Variants in HECW1 observed in about 807,000 individuals in gnomAD.
HECW1 encodes the protein HECT, C2 and WW domain containing E3 ubiquitin protein ligase 1, also known as E3 ubiquitin-protein ligase HECW1.
In HECW1, 61 loss-of-function variants were observed where a neutral mutation model predicts 182.3. That is an observed-to-expected ratio of 0.33 (90% confidence interval 0.27 to 0.41). HECW1 has a LOEUF of 0.41. HECW1 is among the 10% of genes least tolerant of loss of function. HECW1 has a pLI of 1.00. For missense variants in HECW1, 1,739 were observed against 2,108.9 expected, an observed-to-expected ratio of 0.82 and a Z score of 3.44; for synonymous variants, 859 against 832.6, an observed-to-expected ratio of 1.03 and a Z score of -0.55.
intron 15 of HECW1, 81 bp downstream of exon 15, chr7:43,466,649 T>C (rs2077792718): frequency 6.2e-6 from 9 of 1,450,828 alleles, no homozygotes; most frequent in Non-Finnish European, 8.4e-6. Context: ...CTGATAGATC[T>C]AAAAGGGTAG....
intron 10 of HECW1, among the ~76,000 whole-genome samples, chr7:43,443,522 C>G (rs1382118316): frequency 6.6e-6 from 1 of 152,212 alleles, no homozygotes; most frequent in Non-Finnish European, 1.5e-5. Flanking sequence ...GTGACTTGCA[C>G]TAATGCATTT....
intron 16 of HECW1, among the ~76,000 whole-genome samples, chr7:43,474,436 G>A (rs549514586): frequency 6.0e-4 from 91 of 152,186 alleles, no homozygotes; most frequent in Non-Finnish European, 4.9e-4. Flanking sequence ...GCGACAGAGC[G>A]AGACTCTGTC....
chr7:43,390,388 T>C (rs542736866), intron 6 of HECW1, among the ~76,000 whole-genome samples: 2 of 151,910 alleles, frequency 1.3e-5, no homozygotes, highest in South Asian at 4.2e-4. Context: ...AAAAATTTTT[T>C]TAATTTGCCA....
intron 2 of HECW1, among the ~76,000 whole-genome samples, chr7:43,143,959 A>G (rs897655755): frequency 1.1e-3 from 163 of 152,206 alleles, no homozygotes; most frequent in African/African-American, 3.6e-3. Flanking sequence ...TTGTCAGCCA[A>G]TGGCCAGCAG....
At chr7:43,189,969 A>G (rs1016047936) in intron 2 of HECW1, among the ~76,000 whole-genome samples, 3 of 152,206 alleles carry the variant, frequency 2.0e-5, no homozygotes, top group African/African-American at 7.2e-5. Flanking sequence ...GTAACATTCA[A>G]TATTTCAGGA....
At chr7:43,479,105 C>T (rs1289823596) in intron 16 of HECW1, among the ~76,000 whole-genome samples, 1 of 152,240 alleles carries the variant, frequency 6.6e-6, no homozygotes, top group East Asian at 1.9e-4. Flanking sequence ...AAGCACATTA[C>T]ATTTATTATG....
chr7:43,506,697 G>A (rs1585120559), intron 21 of HECW1, among the ~76,000 whole-genome samples: 3 of 152,214 alleles, frequency 2.0e-5, no homozygotes, highest in South Asian at 2.1e-4. Context: ...CTAGGTGGGC[G>A]GATCACTTGA....
intron 29 of HECW1, among the ~76,000 whole-genome samples, chr7:43,557,303 A>G (rs748074482): frequency 1.1e-4 from 16 of 152,114 alleles, no homozygotes; most frequent in Non-Finnish European, 2.2e-4. Context: ...CTCTTTCCTC[A>G]AGTCCTTCCT....
chr7:43,361,049 T>TGTGC (rs199791749), intron 6 of HECW1, 69 bp downstream of exon 6: 12,086 of 806,558 alleles, frequency 0.015, 307 homozygotes, highest in South Asian at 0.02. Flanking sequence ...ATTTTGTTCT[T>TGTGC]GTGCGTGCGT....
Position 43,229,774 on chromosome 7 carries a change from G to A in HECW1, c.-31-14101G>A, listed in dbSNP as rs149874737. Among the ~76,000 whole-genome samples, 716 of 152,298 alleles carry A rather than the reference G, an allele frequency of 4.7e-3. 1 individual carries two copies. Among genetic ancestry groups the A allele is most frequent in the African/African-American group, 0.016 (647 of 41,566 alleles). On this transcript the variant is annotated intron_variant, in intron 2 of 29. Coordinates refer to ENST00000395891, the MANE Select transcript of HECW1 (RefSeq NM_015052.5). ...GTAATTTCCGAGTGTCTCTCCACAA[G>A]ATACTCATTATTTACAAAGGATAAA...
At chr7:43,133,387 C>T (rs1223350561) in intron 2 of HECW1, among the ~76,000 whole-genome samples, 3 of 152,010 alleles carry the variant, frequency 2.0e-5, no homozygotes, top group Non-Finnish European at 4.4e-5. Context: ...CCTGGAAAAT[C>T]TCCTTGGGCT....
At chr7:43,162,987 A>G (rs963868542) in intron 2 of HECW1, 1 of 152,258 alleles carries the variant, frequency 6.6e-6, no homozygotes, top group African/African-American at 2.4e-5. Flanking sequence ...AGCAGTGAGC[A>G]GAGGAGTTGC....
intron 16 of HECW1, among the ~76,000 whole-genome samples, chr7:43,476,161 G>T (rs2078212879): frequency 6.6e-6 from 1 of 152,176 alleles, no homozygotes. Context: ...TCATTTATTT[G>T]ATGGAAGCAT....
At chr7:43,285,285 C>T (rs1333095420) in intron 3 of HECW1, among the ~76,000 whole-genome samples, 1 of 152,164 alleles carries the variant, frequency 6.6e-6, no homozygotes, top group African/African-American at 2.4e-5. Context: ...ATACTCAGAC[C>T]TCACCACTGG....
intron 3 of HECW1, among the ~76,000 whole-genome samples, chr7:43,299,311 C>T (rs1163631764): frequency 6.6e-6 from 1 of 152,138 alleles, no homozygotes; most frequent in Non-Finnish European, 1.5e-5. Context: ...GGGGCTGGTA[C>T]CTTCCCGGTA....
At chr7:43,198,329 C>T (rs1458575857) in intron 2 of HECW1, among the ~76,000 whole-genome samples, 12 of 149,954 alleles carry the variant, frequency 8.0e-5, no homozygotes, top group Admixed American at 6.6e-4. Flanking sequence ...CTTACACACA[C>T]ATCCTACATA....
At chr7:43,220,601 A>G (rs564677791) in intron 2 of HECW1, among the ~76,000 whole-genome samples, 3 of 152,346 alleles carry the variant, frequency 2.0e-5, no homozygotes, top group Admixed American at 6.5e-5. Flanking sequence ...CAAAGGCACT[A>G]CTATCATCCA....
At chr7:43,358,756 A>C (rs572414522) in intron 5 of HECW1, among the ~76,000 whole-genome samples, 1 of 152,028 alleles carries the variant, frequency 6.6e-6, no homozygotes, top group Middle Eastern at 3.4e-3. Flanking sequence ...TCCTGATAGA[A>C]GTGTAAAGTG....
intron 10 of HECW1, 103 bp downstream of exon 10, chr7:43,442,732 G>A: frequency 2.5e-6 from 2 of 800,234 alleles, no homozygotes; most frequent in East Asian, 2.8e-5. Context: ...ATGTATCCTA[G>A]GTTTTGTGGT....
Sources: gnomAD v4.1 joint callset for allele counts (sites outside exome capture counted in the v4.1 genomes callset) on GRCh38, gnomAD v4.1.1 for gene constraint, MANE v1.5 for transcripts, NCBI Gene and HGNC (gene_info 2026-07-23, HGNC 2026-07-21) for gene names.